JPH1: variants seen among roughly 807,000 people sequenced by gnomAD.
JPH1 encodes junctophilin 1.
Under a neutral mutation model 53.6 loss-of-function variants are expected in JPH1, and 12 were observed. That is an observed-to-expected ratio of 0.22 (90% confidence interval 0.14 to 0.36). JPH1 has a LOEUF of 0.36. Among genes scored for constraint, JPH1 ranks in the 10% least tolerant of loss-of-function variants. The pLI, the probability that JPH1 is intolerant of heterozygous loss-of-function variation, is 1.00. For synonymous variants in JPH1, 375 were observed against 363.8 expected, an observed-to-expected ratio of 1.03 and a Z score of -0.35; for missense variants, 808 against 905.5, an observed-to-expected ratio of 0.89 and a Z score of 1.38.
At position 74,319,554 on chromosome 8, in the gene JPH1, A is replaced by G. The variant is rs116662525; in HGVS notation, c.379+1355T>C. Among the ~76,000 whole-genome samples, 225 of 152,328 alleles carry G rather than the reference A, an allele frequency of 1.5e-3. 2 individuals carry two copies. Among genetic ancestry groups the G allele is most frequent in the African/African-American group, 5.2e-3 (218 of 41,578 alleles). On this transcript the variant is annotated intron_variant, in intron 1 of 5. Coordinates refer to ENST00000342232, the MANE Select transcript of JPH1 (RefSeq NM_020647.4). Reference sequence around the variant, plus strand: ...TTAATCCATGAGAACCATATGCTTAATTTATACTGTAGGATGAAAAGATGT... The same window carrying G: ...TTAATCCATGAGAACCATATGCTTAGTTTATACTGTAGGATGAAAAGATGT...
rs562269615 is a variant in JPH1 at position 74,285,773 on chromosome 8, G to T, written c.1140-26270C>A. Reference sequence around the variant, plus strand: ...AGTTCTGAATTCTAAAACATATCTGGACCCAAAAAGTTTTGGATAGCAATT... The same window carrying T: ...AGTTCTGAATTCTAAAACATATCTGTACCCAAAAAGTTTTGGATAGCAATT... On this transcript the variant is annotated intron_variant, in intron 2 of 5. Coordinates refer to ENST00000342232, the MANE Select transcript of JPH1 (RefSeq NM_020647.4). Among the ~76,000 whole-genome samples, 9 of 152,252 alleles carry T rather than the reference G, an allele frequency of 5.9e-5. No individual in the cohort carries two copies. The East Asian group carries it at 1.7e-3, about 29-fold the overall frequency.
At chr8:74,280,350 T>C (rs1345538520) in intron 2 of JPH1, among the ~76,000 whole-genome samples, 2 of 152,294 alleles carry the variant, frequency 1.3e-5, no homozygotes, top group East Asian at 3.9e-4. Flanking sequence ...TGGTGAAAAC[T>C]TGGGGGACTT....
intron 3 of JPH1, among the ~76,000 whole-genome samples, chr8:74,256,532 TA>T (rs56307957): frequency 0.23 from 30,984 of 135,644 alleles, 3,245 homozygotes; most frequent in East Asian, 0.27. Context: ...CCCTAAAACT[TA>T]AAAAAAAAAA....
At chr8:74,317,901 A>G (rs1808208045) in intron 1 of JPH1, among the ~76,000 whole-genome samples, 1 of 152,210 alleles carries the variant, frequency 6.6e-6, no homozygotes, top group Non-Finnish European at 1.5e-5. Flanking sequence ...GTTTAAGGCA[A>G]CAGCAATAAT....
At chr8:74,245,272 T>C in intron 3 of JPH1, 97 bp from the exon 4 acceptor site, 1 of 1,051,452 alleles carries the variant, frequency 9.5e-7, no homozygotes, top group Non-Finnish European at 1.3e-6. Context: ...AAAAATAATA[T>C]ATTCATAAGG....
rs981190073 is a variant in JPH1, at chr8:74,244,642, G to A, written c.1792C>T (p.Pro598Ser). Reference sequence around the variant, plus strand: ...TCAGCTTTGCTTTCTTTGGCAACTGGTTTTGTCACAGATTTGGAGGGACTC... The same window carrying A: ...TCAGCTTTGCTTTCTTTGGCAACTGATTTTGTCACAGATTTGGAGGGACTC... ...KWSPSKSVTK[P>S]VAKESKAEPK... The change falls in exon 4 of 6, where the codon CCA (proline) becomes TCA (serine). Residue 598 changes from proline to serine, a missense_variant. Transcript: ENST00000342232. 3 of 1,614,236 alleles carry A rather than the reference G, an allele frequency of 1.9e-6. No individual in the cohort carries two copies. Among genetic ancestry groups the A allele is most frequent in the Non-Finnish European group, 2.5e-6 (3 of 1,180,050 alleles).
intron 2 of JPH1, among the ~76,000 whole-genome samples, chr8:74,306,735 T>TGCC (rs1807846424): frequency 6.6e-6 from 1 of 152,028 alleles, no homozygotes; most frequent in African/African-American, 2.4e-5. Flanking sequence ...TAGCTGGGAT[T>TGCC]ACAGGTGCCC....
chr8:74,243,251 A>G (rs963935285), intron 4 of JPH1, among the ~76,000 whole-genome samples: 1 of 152,264 alleles, frequency 6.6e-6, no homozygotes, highest in Non-Finnish European at 1.5e-5. Context: ...ATGTCAAGAT[A>G]CTGTCATATT....
At chr8:74,288,146 A>C (rs184234038) in intron 2 of JPH1, among the ~76,000 whole-genome samples, 3 of 152,308 alleles carry the variant, frequency 2.0e-5, no homozygotes, top group Admixed American at 6.5e-5. Context: ...ACACCAAAAC[A>C]GAGGTCTGTA....
intron 2 of JPH1, among the ~76,000 whole-genome samples, chr8:74,296,249 A>G (rs75907454): frequency 0.081 from 12,326 of 152,220 alleles, 649 homozygotes; most frequent in African/African-American, 0.15. Context: ...GCTATATAGT[A>G]TATACTAATA....
chr8:74,314,798 T>G (rs1808092007), intron 2 of JPH1, 63 bp downstream of exon 2: 8 of 1,560,022 alleles, frequency 5.1e-6, no homozygotes, highest in Non-Finnish European at 7.0e-6. Context: ...TAGACAAACA[T>G]AATATTTGAT....
At position 74,315,355 on chromosome 8, in the gene JPH1, G is replaced by A; in HGVS notation, c.645C>T (p.Gly215=). Reference sequence around the variant, plus strand: ...GAAGTTTCATGCTTCCAAGAAGGGAGCCCCTCCGGAAGAGGCCGCCCTTCT... The same window carrying A: ...GAAGTTTCATGCTTCCAAGAAGGGAACCCCTCCGGAAGAGGCCGCCCTTCT... The part of the protein sequence containing the change: ...GKKKGGLFRR[G]SLLGSMKLRK... The change falls in exon 2 of 6, where the codon GGC becomes GGT. Residue 215 remains glycine (G), a synonymous_variant. Coordinates refer to ENST00000342232, the MANE Select transcript of JPH1 (RefSeq NM_020647.4). The surrounding 1 kb of genome is among the most constrained non-coding windows in gnomAD (Gnocchi z 6.3). 6.2e-7 allele frequency: 1 copy of A among 1,613,160 alleles called. No homozygotes were observed. Among genetic ancestry groups the A allele is most frequent in the Non-Finnish European group, 8.5e-7 (1 of 1,179,992 alleles).
chr8:74,274,861 A>T (rs958036202), intron 2 of JPH1, among the ~76,000 whole-genome samples: 1 of 152,190 alleles, frequency 6.6e-6, no homozygotes, highest in Non-Finnish European at 1.5e-5. Flanking sequence ...TGATATTAAC[A>T]TCTTCACTTT....
chr8:74,254,821 G>C (rs1806169677), intron 3 of JPH1, among the ~76,000 whole-genome samples: 1 of 151,988 alleles, frequency 6.6e-6, no homozygotes. Flanking sequence ...AAAATACCTA[G>C]GAATCCAACT....
chr8:74,311,100 A>AT (rs1287752762), intron 2 of JPH1, among the ~76,000 whole-genome samples: 3 of 152,112 alleles, frequency 2.0e-5, no homozygotes, highest in Non-Finnish European at 4.4e-5. Flanking sequence ...TAATTTTCTC[A>AT]TTTTTTGTAG....
chr8:74,235,090 G>A lies in JPH1; in HGVS notation c.*1961C>T, dbSNP rs1028737917. On this transcript the variant is annotated 3_prime_UTR_variant, in exon 6 of 6. Transcript: ENST00000342232. ...TTACCCATTATTTCCAAAGCATTAC[G>A]CATTTTAAATGAACACTTAATAAGA... 4 of 152,104 alleles carry A rather than the reference G, an allele frequency of 2.6e-5. No individual in the cohort carries two copies. Among genetic ancestry groups the A allele is most frequent in the African/African-American group, 4.8e-5 (2 of 41,346 alleles). The allele number at this position is 152,104 out of a possible 1,614,324, so 9.4% of individuals were successfully genotyped here.
intron 3 of JPH1, among the ~76,000 whole-genome samples, chr8:74,254,916 C>T (rs2131388149): frequency 6.6e-6 from 1 of 152,300 alleles, no homozygotes; most frequent in East Asian, 1.9e-4. Flanking sequence ...AATGGGAGAA[C>T]ATTCCATGCT....
rs1241910420 is a variant in JPH1, at chr8:74,321,064, T to C, written c.224A>G (p.Glu75Gly). 6.2e-7 allele frequency: 1 copy of C among 1,613,380 alleles called. No homozygotes were observed. Among genetic ancestry groups the C allele is most frequent in the African/African-American group, 1.3e-5 (1 of 74,982 alleles). The change falls in exon 1 of 6, where the codon GAG (glutamate) becomes GGG (glycine). Residue 75 changes from glutamate (E) to glycine (G), a missense_variant. Coordinates refer to ENST00000342232, the MANE Select transcript of JPH1 (RefSeq NM_020647.4). The surrounding 1 kb of genome is among the most constrained non-coding windows in gnomAD (Gnocchi z 4.3). Reference protein sequence around the residue: ...AQGKRHGLGVETKGKWMYRGE... With the variant: ...AQGKRHGLGVGTKGKWMYRGE... ...CCGGTACATCCACTTGCCCTTCGTC[T>C]CCACCCCCAGCCCGTGCCGCTTGCC...
Position 74,321,462 on chromosome 8 carries a change from T to G in JPH1, c.-175A>C, listed in dbSNP as rs1169379860. 1.8e-6 allele frequency: 1 copy of G among 566,674 alleles called. No homozygotes were observed. Among genetic ancestry groups the G allele is most frequent in the African/African-American group, 2.0e-5 (1 of 50,190 alleles). The allele number at this position is 566,674 out of a possible 1,614,324, so 35.1% of individuals were successfully genotyped here. ...GCCGCCCCCGTCCTCCCTCCTCTTT[T>G]GCCGCCGCCACCGCCGCCTTCCTCC... On this transcript the variant is annotated 5_prime_UTR_variant, in exon 1 of 6. Coordinates refer to ENST00000342232, the MANE Select transcript of JPH1 (RefSeq NM_020647.4). The surrounding 1 kb of genome is among the most constrained non-coding windows in gnomAD (Gnocchi z 4.3).
Sources: gnomAD v4.1 joint callset for allele counts (sites outside exome capture counted in the v4.1 genomes callset) on GRCh38, gnomAD v4.1.1 for gene constraint, Gnocchi (gnomAD v3.1) non-coding constraint, MANE v1.5 for transcripts, NCBI Gene and HGNC (gene_info 2026-07-23, HGNC 2026-07-21) for gene names.